The following BMAL2 variants were observed in gnomAD, a reference collection of about 807,000 sequenced individuals.
BMAL2 encodes the protein basic helix-loop-helix ARNT-like protein 2.
chr12:27,346,595 C>T, the BMAL2 span, among the ~76,000 whole-genome samples: 42 of 152,280 alleles, frequency 2.8e-4, no homozygotes, highest in Non-Finnish European at 5.7e-4. Flanking sequence ...TACTCCCACC[C>T]TTTGCCATGA....
the BMAL2 span, chr12:27,403,667 C>A: frequency 6.1e-6 from 3 of 488,188 alleles, no homozygotes; most frequent in Non-Finnish European, 1.1e-5. Context: ...AAAATATTAT[C>A]TTTACAGTAG....
At chr12:27,344,290 C>G in the BMAL2 span, among the ~76,000 whole-genome samples, 1 of 152,170 alleles carries the variant, frequency 6.6e-6, no homozygotes, top group African/African-American at 2.4e-5. Context: ...ATGTCTAAAA[C>G]TGATCTTCTG....
chr12:27,341,693 G>A, the BMAL2 span, among the ~76,000 whole-genome samples: 9 of 152,252 alleles, frequency 5.9e-5, no homozygotes, highest in East Asian at 1.9e-4. Flanking sequence ...ATGTGGGTAC[G>A]TGCTCCAGAT....
At chr12:27,362,803 TTTG>T in the BMAL2 span, among the ~76,000 whole-genome samples, 4 of 152,116 alleles carry the variant, frequency 2.6e-5, no homozygotes, top group African/African-American at 7.2e-5. Flanking sequence ...ATTATCGGTT[TTTG>T]TTGTTGTTGT....
the BMAL2 span, chr12:27,403,636 A>G: frequency 3.0e-6 from 2 of 670,358 alleles, no homozygotes; most frequent in South Asian, 4.7e-5. Context: ...TATACAAATG[A>G]TAACCAGTTT....
chr12:27,420,053 A>G, the BMAL2 span, among the ~76,000 whole-genome samples: 1 of 152,010 alleles, frequency 6.6e-6, no homozygotes, highest in Non-Finnish European at 1.5e-5. Flanking sequence ...ACACACAAAC[A>G]TACACTAAAT....
the BMAL2 span, chr12:27,401,350 C>A: frequency 6.2e-7 from 1 of 1,613,696 alleles, no homozygotes; most frequent in Non-Finnish European, 8.5e-7. Flanking sequence ...ATTTGACTGA[C>A]AAGCACAAAG....
At chr12:27,400,866 T>G in the BMAL2 span, 1 of 1,192,488 alleles carries the variant, frequency 8.4e-7, no homozygotes, top group South Asian at 1.9e-5. Flanking sequence ...TTTTTCTTTT[T>G]CTTTTTTCTG....
the BMAL2 span, among the ~76,000 whole-genome samples, chr12:27,414,583 A>G: frequency 6.6e-6 from 1 of 152,210 alleles, no homozygotes; most frequent in African/African-American, 2.4e-5. Context: ...TCAAAGGGGA[A>G]ATTTAAAAAT....
the BMAL2 span, among the ~76,000 whole-genome samples, chr12:27,409,573 A>G: frequency 6.6e-6 from 1 of 152,224 alleles, no homozygotes; most frequent in Admixed American, 6.5e-5. Flanking sequence ...TCCCTTCCTT[A>G]CACCTTATAC....
At chr12:27,420,019 G>GCGCGCGCGCGCACACACA in the BMAL2 span, among the ~76,000 whole-genome samples, 141 of 147,564 alleles carry the variant, frequency 9.6e-4, 1 homozygote, top group South Asian at 5.4e-3. Context: ...GTTTGCGCGT[G>GCGCGCGCGCGCACACACA]CACACACACA....
At chr12:27,340,371 T>A in the BMAL2 span, among the ~76,000 whole-genome samples, 24 of 152,046 alleles carry the variant, frequency 1.6e-4, no homozygotes, top group Admixed American at 5.9e-4. Context: ...AGTCCTTTCC[T>A]GGTTGCTTGT....
chr12:27,368,542 C>T, the BMAL2 span: 1 of 1,144,472 alleles, frequency 8.7e-7, no homozygotes, highest in Non-Finnish European at 1.2e-6. Context: ...TACTTATCCA[C>T]CCATCTGCTA....
At chr12:27,336,793 A>G in the BMAL2 span, among the ~76,000 whole-genome samples, 1 of 152,056 alleles carries the variant, frequency 6.6e-6, no homozygotes, top group Non-Finnish European at 1.5e-5. Flanking sequence ...TCTACTAAAA[A>G]ATACAAAAAT....
the BMAL2 span, among the ~76,000 whole-genome samples, chr12:27,351,373 T>C: frequency 0.03 from 4,506 of 152,306 alleles, 89 homozygotes; most frequent in South Asian, 0.09. Flanking sequence ...GCCTTAATCA[T>C]GTCTTTTATT....
At chr12:27,415,985 A>G in the BMAL2 span, 5 of 1,381,472 alleles carry the variant, frequency 3.6e-6, no homozygotes, top group Admixed American at 6.0e-5. Context: ...CATGAAATAA[A>G]TGAACAATAA....
At chr12:27,406,291 T>G in the BMAL2 span, among the ~76,000 whole-genome samples, 4 of 151,226 alleles carry the variant, frequency 2.6e-5, no homozygotes, top group African/African-American at 4.9e-5. Context: ...CACATAATTG[T>G]CAGATTCACC....
chr12:27,395,641 T>C, the BMAL2 span, among the ~76,000 whole-genome samples: 1 of 152,232 alleles, frequency 6.6e-6, no homozygotes, highest in African/African-American at 2.4e-5. Flanking sequence ...AAAATGATTT[T>C]TTATTGCAAG....
the BMAL2 span, chr12:27,422,042 A>T: frequency 6.6e-6 from 1 of 152,212 alleles, no homozygotes; most frequent in Non-Finnish European, 1.5e-5. Flanking sequence ...TATAATTTAA[A>T]ATTTGGAGAG....
Sources: allele counts gnomAD v4.1 joint callset (sites outside exome capture counted in the v4.1 genomes callset), GRCh38; gene constraint gnomAD v4.1.1; transcripts MANE v1.5; gene names NCBI Gene and HGNC (gene_info 2026-07-23, HGNC 2026-07-21).